The following SGCZ variants were observed in gnomAD, a reference collection of about 807,000 sequenced individuals.
SGCZ encodes zeta-sarcoglycan.
In SGCZ, 40 loss-of-function variants were observed where a neutral mutation model predicts 41.3. That is an observed-to-expected ratio of 0.97 (90% CI 0.75 to 1.26). The LOEUF (loss-of-function observed/expected upper bound fraction) is 1.26. SGCZ is among the 50% of genes most tolerant of loss of function. The pLI is 0.00. For missense variants in SGCZ, 552 were observed against 369.8 expected, an observed-to-expected ratio of 1.49 and a Z score of -4.04; for synonymous variants, 206 against 137.5, an observed-to-expected ratio of 1.50 and a Z score of -3.49.
intron 1 of SGCZ, among the ~76,000 whole-genome samples, chr8:14,601,002 C>T (rs1012181106): frequency 3.1e-4 from 46 of 150,310 alleles, no homozygotes; most frequent in African/African-American, 1.0e-3. Flanking sequence ...TCTCTATAAT[C>T]CCTAAAATAT....
chr8:15,220,530 G>A lies in SGCZ; in HGVS notation c.39+17055C>T, dbSNP rs774892724. On this transcript the variant is annotated intron_variant, in intron 1 of 7. Coordinates refer to ENST00000382080, the MANE Select transcript of SGCZ (RefSeq NM_139167.4). ...ATCCTGAAGCATCCAGTTTCAGGACGATTTAGACTCAACTAGAGTAGGAAC... is the reference window on the plus strand; with the variant it reads ...ATCCTGAAGCATCCAGTTTCAGGACAATTTAGACTCAACTAGAGTAGGAAC... 2.8e-4 allele frequency among the ~76,000 whole-genome samples: 42 copies of A among 152,162 alleles called. No individual in the cohort carries two copies. The East Asian group carries it at 2.9e-3, about 11-fold the overall frequency.
intron 3 of SGCZ, among the ~76,000 whole-genome samples, chr8:14,303,877 G>C (rs932433588): frequency 4.0e-5 from 6 of 151,670 alleles, no homozygotes; most frequent in Non-Finnish European, 7.4e-5. Context: ...TCAGTCTCCC[G>C]AGTGGCTAGG....
intron 1 of SGCZ, among the ~76,000 whole-genome samples, chr8:15,162,289 A>C (rs7828345): frequency 0.19 from 29,455 of 152,182 alleles, 2,990 homozygotes; most frequent in Non-Finnish European, 0.23. Context: ...ATAACGAGGA[A>C]TTTTTTTAAA....
chr8:14,593,227 A>T (rs954901813), intron 1 of SGCZ, among the ~76,000 whole-genome samples: 1 of 152,182 alleles, frequency 6.6e-6, no homozygotes, highest in Non-Finnish European at 1.5e-5. Context: ...TCCGTTGTAA[A>T]AGGAAGCAAG....
intron 1 of SGCZ, among the ~76,000 whole-genome samples, chr8:14,702,820 GATAGATAGA>G (rs1563212943): frequency 0.04 from 511 of 12,886 alleles, 14 homozygotes; most frequent in South Asian, 0.061. Flanking sequence ...TAGGTAGATA[GATAGATAGA>G]TAGATAGATA....
chr8:14,970,071 C>T (rs528729045), intron 1 of SGCZ, among the ~76,000 whole-genome samples: 1 of 152,194 alleles, frequency 6.6e-6, no homozygotes, highest in African/African-American at 2.4e-5. Context: ...TATAGTCATT[C>T]TCACTCATTC....
At chr8:14,293,284 C>T (rs1458116890) in intron 3 of SGCZ, among the ~76,000 whole-genome samples, 3 of 152,046 alleles carry the variant, frequency 2.0e-5, no homozygotes, top group African/African-American at 7.2e-5. Context: ...AACTTTTACT[C>T]AGACTCTGTC....
chr8:14,662,541 T>G (rs1780010878), intron 1 of SGCZ, among the ~76,000 whole-genome samples: 1 of 152,022 alleles, frequency 6.6e-6, no homozygotes, highest in African/African-American at 2.4e-5. Flanking sequence ...TTCAACAGAG[T>G]TTTACCACTC....
chr8:14,438,809 T>C (rs549506050), intron 2 of SGCZ, among the ~76,000 whole-genome samples: 2 of 152,202 alleles, frequency 1.3e-5, no homozygotes, highest in African/African-American at 4.8e-5. Context: ...ATTTTAATTA[T>C]ACCTTAACAT....
Position 14,412,228 on chromosome 8 carries a change from A to C in SGCZ, c.235-88024T>G, listed in dbSNP as rs778858149. Among the ~76,000 whole-genome samples, 3 of 152,094 alleles carry C rather than the reference A, an allele frequency of 2.0e-5. No individual in the cohort carries two copies. In the East Asian group the frequency reaches 5.8e-4, roughly 29 times the overall value. ...ACCTTAACTCTATGATATTGAGAAA[A>C]GAAGCCTCAGTTTCCTCTTTTGGAA... On this transcript the variant is annotated intron_variant, in intron 2 of 7. Coordinates refer to ENST00000382080, the MANE Select transcript of SGCZ (RefSeq NM_139167.4).
chr8:15,010,473 T>C (rs531941181), intron 1 of SGCZ, among the ~76,000 whole-genome samples: 3 of 152,318 alleles, frequency 2.0e-5, no homozygotes, highest in African/African-American at 2.4e-5. Context: ...TTATTTACTT[T>C]TATGTTGGTG....
intron 2 of SGCZ, among the ~76,000 whole-genome samples, chr8:14,378,979 T>C (rs1804253487): frequency 2.0e-5 from 3 of 152,170 alleles, no homozygotes; most frequent in Admixed American, 2.0e-4. Flanking sequence ...ATGGATGCTT[T>C]CTTACGTAAT....
At chr8:14,456,274 G>A (rs942558585) in intron 2 of SGCZ, among the ~76,000 whole-genome samples, 2 of 152,102 alleles carry the variant, frequency 1.3e-5, no homozygotes, top group African/African-American at 4.8e-5. Context: ...CGGGTGTGGT[G>A]GTGCACGCCT....
In SGCZ at chr8:14,500,426, T is replaced by C. The variant is rs576826479; in HGVS notation, c.234+54306A>G. On this transcript the variant is annotated intron_variant, in intron 2 of 7. Coordinates refer to ENST00000382080, the MANE Select transcript of SGCZ (RefSeq NM_139167.4). ...CTTTTTCACAAATCTAAACAAAAGT[T>C]TGTCTTTCCAGTTACTTTTTTTTTT... 2.9e-5 allele frequency among the ~76,000 whole-genome samples: 4 copies of C among 139,576 alleles called. No individual in the cohort carries two copies. In the East Asian group the frequency reaches 7.1e-4, roughly 25 times the overall value. 91.6% of individuals were successfully genotyped at this position (139,576 alleles called of 152,430 possible).
At chr8:15,179,657 GA>G (rs2117083488) in intron 1 of SGCZ, among the ~76,000 whole-genome samples, 1 of 152,192 alleles carries the variant, frequency 6.6e-6, no homozygotes, top group South Asian at 2.1e-4. Flanking sequence ...GACTGAAAAA[GA>G]AAATGAGTAC....
chr8:15,072,945 T>C (rs1340566789), intron 1 of SGCZ, among the ~76,000 whole-genome samples: 1 of 152,144 alleles, frequency 6.6e-6, no homozygotes, highest in Non-Finnish European at 1.5e-5. Context: ...TCCACAGAGA[T>C]GCAGCTTGTC....
intron 1 of SGCZ, among the ~76,000 whole-genome samples, chr8:15,198,712 A>C (rs1208312220): frequency 6.6e-6 from 1 of 152,202 alleles, no homozygotes; most frequent in Non-Finnish European, 1.5e-5. Flanking sequence ...GTGAGGCTAC[A>C]CTGTGCCAGC....
intron 1 of SGCZ, among the ~76,000 whole-genome samples, chr8:14,956,733 A>G (rs1395302295): frequency 6.6e-6 from 1 of 152,218 alleles, no homozygotes; most frequent in Non-Finnish European, 1.5e-5. Flanking sequence ...CTTGATGGTC[A>G]GATTTGTTGT....
chr8:14,938,782 T>C (rs1020190164), intron 1 of SGCZ, among the ~76,000 whole-genome samples: 4 of 152,218 alleles, frequency 2.6e-5, no homozygotes, highest in South Asian at 2.1e-4. Flanking sequence ...TTCCCACTTA[T>C]AAGTAGGAGA....
Sources: allele counts gnomAD v4.1 joint callset (sites outside exome capture counted in the v4.1 genomes callset), GRCh38; gene constraint gnomAD v4.1.1; transcripts MANE v1.5; gene names NCBI Gene and HGNC (gene_info 2026-07-23, HGNC 2026-07-21).